The following RBMS1 variants were observed in gnomAD, a reference collection of about 807,000 sequenced individuals.
RBMS1 encodes the protein RNA-binding motif, single-stranded-interacting protein 1.
In RBMS1, 17 loss-of-function variants were observed where a neutral mutation model predicts 62.3. That is an observed-to-expected ratio of 0.27 (90% CI 0.19 to 0.41). RBMS1 has a LOEUF of 0.41. Ranked by LOEUF, RBMS1 falls within the 10% of genes least tolerant of loss-of-function variation. The probability of loss-of-function intolerance (pLI) is 1.00; values close to 1 mark genes in which losing one functional copy is unlikely to be tolerated. For synonymous variants in RBMS1, 172 were observed against 170.0 expected (o/e 1.01, Z -0.09); for missense variants, 334 against 504.5 (o/e 0.66, Z 3.24).
At chr2:160,479,424 G>A (rs1308022449) in intron 1 of RBMS1, among the ~76,000 whole-genome samples, 1 of 152,202 alleles carries the variant, frequency 6.6e-6, no homozygotes, top group Non-Finnish European at 1.5e-5. Context: ...CAAAAGTCTG[G>A]CCGGCCCTGA....
chr2:160,412,378 C>T (rs576330925), intron 1 of RBMS1, among the ~76,000 whole-genome samples: 1 of 152,236 alleles, frequency 6.6e-6, no homozygotes, highest in Non-Finnish European at 1.5e-5. Context: ...TTATAAGCCT[C>T]AATGTACAGA....
intron 1 of RBMS1, among the ~76,000 whole-genome samples, chr2:160,372,805 A>G (rs1693796755): frequency 6.6e-6 from 1 of 152,130 alleles, no homozygotes; most frequent in South Asian, 2.1e-4. Context: ...GGTGAACTGG[A>G]GAGGGGTGAG....
At chr2:160,414,864 C>A (rs1194020183) in intron 1 of RBMS1, among the ~76,000 whole-genome samples, 2 of 149,968 alleles carry the variant, frequency 1.3e-5, no homozygotes, top group South Asian at 4.2e-4. Flanking sequence ...AAAAAAAAAT[C>A]TATAAAAACA....
chr2:160,323,641 T>C (rs1054833499), intron 2 of RBMS1, among the ~76,000 whole-genome samples: 1 of 146,834 alleles, frequency 6.8e-6, no homozygotes, highest in African/African-American at 2.5e-5. Context: ...ACTGTGACTA[T>C]GAAGATTCTT....
intron 1 of RBMS1, among the ~76,000 whole-genome samples, chr2:160,371,711 A>C (rs1216047546): frequency 6.6e-6 from 1 of 152,140 alleles, no homozygotes; most frequent in East Asian, 1.9e-4. Flanking sequence ...GCACTCAGAG[A>C]GAACTTCCCG....
intron 1 of RBMS1, among the ~76,000 whole-genome samples, chr2:160,379,419 T>C (rs374987467): frequency 6.6e-5 from 10 of 152,240 alleles, no homozygotes; most frequent in African/African-American, 2.4e-4. Context: ...GACTTTCCTC[T>C]GTTTTATGGA....
At chr2:160,377,679 A>G (rs1368474544) in intron 1 of RBMS1, among the ~76,000 whole-genome samples, 6 of 152,214 alleles carry the variant, frequency 3.9e-5, no homozygotes. Context: ...ATAATTATCC[A>G]CTAGAAGTAT....
At chr2:160,457,119 TTTAA>T (rs1004807823) in intron 1 of RBMS1, among the ~76,000 whole-genome samples, 25 of 110,150 alleles carry the variant, frequency 2.3e-4, no homozygotes, top group African/African-American at 5.8e-4. Flanking sequence ...TTTTTATTTA[TTTAA>T]TTAATTTATT....
intron 1 of RBMS1, among the ~76,000 whole-genome samples, chr2:160,465,768 G>A (rs1275924107): frequency 6.6e-6 from 1 of 151,904 alleles, no homozygotes; most frequent in Non-Finnish European, 1.5e-5. Flanking sequence ...CTAAGCCTAT[G>A]CTTGGGTCTG....
At chr2:160,278,723 C>G in intron 10 of RBMS1, 65 bp from the exon 11 acceptor site, 1 of 1,018,080 alleles carries the variant, frequency 9.8e-7, no homozygotes, top group Non-Finnish European at 1.5e-6. Context: ...CCTGTAATTA[C>G]TTTTTACAAA....
chr2:160,303,036 A>G (rs529249258), intron 5 of RBMS1, among the ~76,000 whole-genome samples: 1 of 152,212 alleles, frequency 6.6e-6, no homozygotes, highest in African/African-American at 2.4e-5. Context: ...ATTTTTAAAA[A>G]GTTAGAAGCA....
At chr2:160,332,977 T>TAC (rs1295862351) in intron 2 of RBMS1, among the ~76,000 whole-genome samples, 1 of 151,886 alleles carries the variant, frequency 6.6e-6, no homozygotes, top group Non-Finnish European at 1.5e-5. Flanking sequence ...CATATGTCTA[T>TAC]ACACACACAT....
chr2:160,398,814 G>A (rs375888759), intron 1 of RBMS1, among the ~76,000 whole-genome samples: 3 of 152,210 alleles, frequency 2.0e-5, no homozygotes, highest in East Asian at 1.9e-4. Context: ...AGAAGCCTAC[G>A]ATGGTCTATT....
chr2:160,429,428 C>A (rs1472390590), intron 1 of RBMS1, among the ~76,000 whole-genome samples: 1 of 152,110 alleles, frequency 6.6e-6, no homozygotes, highest in African/African-American at 2.4e-5. Context: ...AAAAGAAAAT[C>A]TTTTGCCACT....
chr2:160,382,026 T>C (rs1694307623), intron 1 of RBMS1, among the ~76,000 whole-genome samples: 1 of 152,234 alleles, frequency 6.6e-6, no homozygotes. Context: ...TGTCAACCCC[T>C]GCAGGATAAG....
intron 1 of RBMS1, among the ~76,000 whole-genome samples, chr2:160,404,241 TCACAG>T (rs1695579479): frequency 6.6e-6 from 1 of 152,154 alleles, no homozygotes; most frequent in Non-Finnish European, 1.5e-5. Context: ...TCTAATGTGC[TCACAG>T]GCCTGTGAGG....
At chr2:160,294,203 C>A (rs544762397) in intron 6 of RBMS1, among the ~76,000 whole-genome samples, 2 of 152,170 alleles carry the variant, frequency 1.3e-5, no homozygotes, top group Non-Finnish European at 2.9e-5. Flanking sequence ...TTTCCCCCAA[C>A]AAACTATAAT....
chr2:160,404,391 G>A (rs187590256), intron 1 of RBMS1, among the ~76,000 whole-genome samples: 11 of 152,254 alleles, frequency 7.2e-5, no homozygotes, highest in Admixed American at 1.3e-4. Flanking sequence ...CTCCTACACA[G>A]TCGACCCTCC....
At chr2:160,486,039 C>G (rs1280367351) in intron 1 of RBMS1, among the ~76,000 whole-genome samples, 1 of 152,046 alleles carries the variant, frequency 6.6e-6, no homozygotes, top group Non-Finnish European at 1.5e-5. Context: ...ATTTACTTTT[C>G]CTAATGACTA....
Sources: allele counts gnomAD v4.1 joint callset (sites outside exome capture counted in the v4.1 genomes callset), GRCh38; gene constraint gnomAD v4.1.1; transcripts MANE v1.5; gene names NCBI Gene and HGNC (gene_info 2026-07-23, HGNC 2026-07-21).